The following MCPH1 variants were observed in gnomAD, a reference collection of about 807,000 sequenced individuals.
The protein encoded by MCPH1 is microcephalin.
In MCPH1, 104 loss-of-function variants were observed where a neutral mutation model predicts 84.5. The ratio of observed to expected loss-of-function variants is 1.23; its 90% CI spans 1.05 to 1.45. MCPH1 has a LOEUF of 1.45. MCPH1 is among the 40% of genes most tolerant of loss of function. The pLI is 0.00. For synonymous variants in MCPH1, 514 were observed against 366.8 expected, an observed-to-expected ratio of 1.40 and a Z score of -4.58; for missense variants, 1,498 against 1,005.7, an observed-to-expected ratio of 1.49 and a Z score of -6.62.
chr8:6,614,547 CTAAGT>C (rs1427060423), intron 12 of MCPH1, among the ~76,000 whole-genome samples: 1 of 152,226 alleles, frequency 6.6e-6, no homozygotes, highest in African/African-American at 2.4e-5. Flanking sequence ...GGTGGTCTTT[CTAAGT>C]TATCAGAGGA....
intron 3 of MCPH1, among the ~76,000 whole-genome samples, chr8:6,416,895 G>C (rs1394940479): frequency 2.6e-5 from 4 of 151,964 alleles, no homozygotes; most frequent in African/African-American, 7.2e-5. Context: ...TCGGGAGATT[G>C]AGACAGGAGA....
intron 12 of MCPH1, chr8:6,617,103 T>C (rs899278086): frequency 6.6e-6 from 1 of 151,988 alleles, no homozygotes; most frequent in Non-Finnish European, 1.5e-5. Flanking sequence ...GGAAAGCCAA[T>C]ATTTTTTGTC....
At chr8:6,592,596 A>G (rs1828555622) in intron 12 of MCPH1, among the ~76,000 whole-genome samples, 1 of 141,616 alleles carries the variant, frequency 7.1e-6, no homozygotes, top group South Asian at 2.3e-4. Flanking sequence ...AAAGTCATCT[A>G]GGCTCTCGTT....
At chr8:6,531,040 A>G (rs577152955) in intron 12 of MCPH1, among the ~76,000 whole-genome samples, 49 of 152,156 alleles carry the variant, frequency 3.2e-4, no homozygotes, top group Admixed American at 4.6e-4. Flanking sequence ...GTAGGAAGCC[A>G]CTGACTTCAG....
intron 6 of MCPH1, among the ~76,000 whole-genome samples, chr8:6,439,411 A>G (rs1401697223): frequency 1.5e-5 from 2 of 130,666 alleles, no homozygotes; most frequent in African/African-American, 2.9e-5. Flanking sequence ...TTTTTCTGAG[A>G]TGGAGTTTTG....
chr8:6,486,794 G>C (rs1015703073), intron 11 of MCPH1, among the ~76,000 whole-genome samples: 4 of 152,142 alleles, frequency 2.6e-5, no homozygotes, highest in Admixed American at 2.6e-4. Context: ...GAAAAATAAA[G>C]AAATTAATTT....
Position 6,647,910 on chromosome 8 carries a change from A to G in MCPH1, c.*4861A>G, listed in dbSNP as rs1010782844. 5 of 151,562 alleles carry G rather than the reference A, an allele frequency of 3.3e-5. No individual in the cohort carries two copies. The highest frequency in any genetic ancestry group is 6.6e-5 in the Admixed American group (1 of 15,234). The allele number at this position is 151,562 out of a possible 1,614,324, so 9.4% of individuals were successfully genotyped here. On this transcript the variant is annotated 3_prime_UTR_variant, in exon 14 of 14. Transcript: ENST00000344683. Reference sequence around the variant, plus strand: ...CTTAAGGCATGTGAATTATACACCAATAAAGCTATTTTTTTTAAAAAAAAG... The same window carrying G: ...CTTAAGGCATGTGAATTATACACCAGTAAAGCTATTTTTTTTAAAAAAAAG...
Position 6,409,236 on chromosome 8 carries a change from T to C in MCPH1, c.23-43T>C, listed in dbSNP as rs781782190. The C allele has an allele frequency of 4.6e-6, 7 of 1,505,656 alleles. No homozygotes were observed. In the South Asian group the frequency reaches 5.6e-5, roughly 12 times the overall value. 93.3% of individuals were successfully genotyped at this position (1,505,656 alleles called of 1,614,324 possible). A position where few individuals can be genotyped will look rare whatever the true frequency, so the allele number is the denominator to read the frequency against. ...ACAAAATCTATTGGGCAGGGGATGC[T>C]GGAATTTCAAATGTATGTTTCATGT... is the stretch of plus-strand genomic sequence containing the variant. On this transcript the variant is annotated intron_variant, in intron 1 of 13. Transcript: ENST00000344683.
At chr8:6,461,617 G>A (rs1806308984) in intron 9 of MCPH1, among the ~76,000 whole-genome samples, 1 of 152,120 alleles carries the variant, frequency 6.6e-6, no homozygotes, top group African/African-American at 2.4e-5. Flanking sequence ...TGGGATTACA[G>A]GCGTGAGCCA....
intron 11 of MCPH1, among the ~76,000 whole-genome samples, chr8:6,484,995 C>G (rs964740216): frequency 1.3e-5 from 2 of 152,196 alleles, no homozygotes; most frequent in Non-Finnish European, 2.9e-5. Context: ...CACATATGCA[C>G]ACACGAGTAA....
chr8:6,462,923 A>C lies in MCPH1; in HGVS notation c.1935+7671A>C, dbSNP rs557666274. Reference sequence around the variant, plus strand: ...GCTTTGTTCTGCAGCTATAACTTGGAGTAGGTCTCTCTTACCTGCCTCCTC... The same window carrying C: ...GCTTTGTTCTGCAGCTATAACTTGGCGTAGGTCTCTCTTACCTGCCTCCTC... On this transcript the variant is annotated intron_variant, in intron 9 of 13. Coordinates refer to ENST00000344683, the MANE Select transcript of MCPH1 (RefSeq NM_024596.5). 3.9e-5 allele frequency among the ~76,000 whole-genome samples: 6 copies of C among 152,202 alleles called. No individual in the cohort carries two copies. In the East Asian group the frequency reaches 1.2e-3, roughly 29 times the overall value.
intron 12 of MCPH1, among the ~76,000 whole-genome samples, chr8:6,518,178 G>A (rs1816649889): frequency 6.6e-6 from 1 of 152,152 alleles, no homozygotes; most frequent in African/African-American, 2.4e-5. Flanking sequence ...GTTAGCGGCT[G>A]TCCCTCTGCA....
intron 12 of MCPH1, among the ~76,000 whole-genome samples, chr8:6,591,994 G>T (rs1257251944): frequency 6.6e-6 from 1 of 152,200 alleles, no homozygotes; most frequent in African/African-American, 2.4e-5. Context: ...AACGCAAAGT[G>T]AGAGTGGGAA....
At chr8:6,438,868 G>T in intron 5 of MCPH1, 85 bp from the exon 6 acceptor site, 3 of 1,254,646 alleles carry the variant, frequency 2.4e-6, no homozygotes, top group Admixed American at 1.7e-5. Flanking sequence ...AACGGGGTGT[G>T]GGGGGTTGTT....
At position 6,624,900 on chromosome 8, in the gene MCPH1, A is replaced by C. The variant is rs540972088; in HGVS notation, c.2452+3209A>C. ...TTTTTTTTTTTTTTTTCTGAGATGGAGTCTCGCTGTGTCACCAGGCTGGAG... is the reference window on the plus strand; with the variant it reads ...TTTTTTTTTTTTTTTTCTGAGATGGCGTCTCGCTGTGTCACCAGGCTGGAG... On this transcript the variant is annotated intron_variant, in intron 13 of 13. Coordinates refer to ENST00000344683, the MANE Select transcript of MCPH1 (RefSeq NM_024596.5). The C allele has an allele frequency of 8.4e-6, 8 of 951,412 alleles. No homozygotes were observed. In the South Asian group the frequency reaches 2.4e-4, roughly 29 times the overall value. The allele number at this position is 951,412 out of a possible 1,614,324, so 58.9% of individuals were successfully genotyped here. A position where few individuals can be genotyped will look rare whatever the true frequency, so the allele number is the denominator to read the frequency against.
chr8:6,530,508 C>CA (rs55729820), intron 12 of MCPH1, among the ~76,000 whole-genome samples: 1,670 of 97,778 alleles, frequency 0.017, 34 homozygotes, highest in Middle Eastern at 0.035. Context: ...GACTCTGTCT[C>CA]AAAAAAAAAA....
intron 6 of MCPH1, among the ~76,000 whole-genome samples, chr8:6,439,854 G>C (rs199857557): frequency 1.3e-5 from 2 of 152,162 alleles, no homozygotes; most frequent in East Asian, 3.8e-4. Context: ...AATAGTAAAA[G>C]TTCATCTTGA....
intron 10 of MCPH1, among the ~76,000 whole-genome samples, chr8:6,478,947 G>T (rs1472247186): frequency 6.6e-6 from 1 of 152,044 alleles, no homozygotes; most frequent in Non-Finnish European, 1.5e-5. Context: ...GTTTTGAGAT[G>T]GACATACCTA....
intron 13 of MCPH1, among the ~76,000 whole-genome samples, chr8:6,638,029 G>A (rs947109875): frequency 3.3e-5 from 5 of 152,166 alleles, no homozygotes; most frequent in Non-Finnish European, 7.3e-5. Context: ...GAGAAGCACG[G>A]AAGGAGCAGT....
Sources: allele counts gnomAD v4.1 joint callset (sites outside exome capture counted in the v4.1 genomes callset), GRCh38; gene constraint gnomAD v4.1.1; transcripts MANE v1.5; gene names NCBI Gene and HGNC (gene_info 2026-07-23, HGNC 2026-07-21).